CSMD1: variants seen among roughly 807,000 people sequenced by gnomAD.
CSMD1 encodes the protein CUB and Sushi multiple domains 1.
A neutral mutation model predicts 417.5 loss-of-function variants in CSMD1; 213 were observed. The ratio of observed to expected loss-of-function variants is 0.51; its 90% CI spans 0.46 to 0.57. CSMD1 has a LOEUF of 0.57. CSMD1 is among the 20% of genes least tolerant of loss of function. The pLI, the probability that CSMD1 is intolerant of heterozygous loss-of-function variation, is 0.00. For missense variants in CSMD1, 6,923 were observed against 4,529.7 expected, an observed-to-expected ratio of 1.53 and a Z score of -15.17; for synonymous variants, 2,862 against 1,736.8, an observed-to-expected ratio of 1.65 and a Z score of -16.11.
chr8:3,314,630 A>T (rs1478314083), intron 23 of CSMD1, among the ~76,000 whole-genome samples: 1 of 152,258 alleles, frequency 6.6e-6, no homozygotes, highest in Non-Finnish European at 1.5e-5. Flanking sequence ...CACAGCCAAA[A>T]TACTACGAAC....
chr8:4,240,447 T>C (rs943033520), intron 3 of CSMD1, among the ~76,000 whole-genome samples: 1 of 152,226 alleles, frequency 6.6e-6, no homozygotes, highest in Non-Finnish European at 1.5e-5. Context: ...ACTTGTGAAC[T>C]TATTTCCACA....
chr8:4,645,993 A>G (rs1199752696), intron 1 of CSMD1, among the ~76,000 whole-genome samples: 1 of 152,224 alleles, frequency 6.6e-6, no homozygotes, highest in Non-Finnish European at 1.5e-5. Flanking sequence ...AAAAACAACA[A>G]GCACTGTTTT....
At chr8:4,187,799 T>C (rs368926571) in intron 3 of CSMD1, among the ~76,000 whole-genome samples, 1 of 151,996 alleles carries the variant, frequency 6.6e-6, no homozygotes, top group East Asian at 1.9e-4. Context: ...GCAGGTATTA[T>C]TATTATTTTC....
chr8:3,665,553 A>G (rs1339843624), intron 7 of CSMD1, among the ~76,000 whole-genome samples: 2 of 152,124 alleles, frequency 1.3e-5, no homozygotes, highest in Admixed American at 6.5e-5. Context: ...TTGTCAGGAA[A>G]ATAATTAGTA....
chr8:4,181,846 T>G (rs1177711684), intron 3 of CSMD1, among the ~76,000 whole-genome samples: 1 of 152,166 alleles, frequency 6.6e-6, no homozygotes, highest in Non-Finnish European at 1.5e-5. Flanking sequence ...ACAAATAAAA[T>G]GATAAATTCT....
At chr8:3,295,168 A>G (rs530653164) in intron 25 of CSMD1, among the ~76,000 whole-genome samples, 5 of 151,886 alleles carry the variant, frequency 3.3e-5, no homozygotes, top group Non-Finnish European at 7.4e-5. Context: ...TTTGTTGCCC[A>G]GGTTGGAGTG....
intron 5 of CSMD1, among the ~76,000 whole-genome samples, chr8:3,947,087 G>T (rs967540855): frequency 6.6e-6 from 1 of 152,066 alleles, no homozygotes. Context: ...TGTAAAAGTG[G>T]ATATTATTTT....
chr8:4,381,008 T>G (rs1235594606), intron 3 of CSMD1, among the ~76,000 whole-genome samples: 1 of 152,186 alleles, frequency 6.6e-6, no homozygotes, highest in Non-Finnish European at 1.5e-5. Context: ...CTGCCAGAAC[T>G]CATTTCTCAG....
chr8:3,262,378 T>G (rs770181200), intron 26 of CSMD1, among the ~76,000 whole-genome samples: 3 of 151,330 alleles, frequency 2.0e-5, no homozygotes, highest in Non-Finnish European at 2.9e-5. Context: ...TTGGTAAATC[T>G]GAAGATGACA....
At chr8:4,462,971 T>A (rs549262890) in intron 2 of CSMD1, among the ~76,000 whole-genome samples, 9 of 152,298 alleles carry the variant, frequency 5.9e-5, no homozygotes, top group African/African-American at 2.2e-4. Context: ...ATCAAAATTT[T>A]AAACTTTGTA....
chr8:4,291,395 G>C (rs993329968), intron 3 of CSMD1, among the ~76,000 whole-genome samples: 4 of 152,038 alleles, frequency 2.6e-5, no homozygotes, highest in Admixed American at 6.6e-5. Context: ...ACCATGTAAA[G>C]TAAATCTCCA....
chr8:4,313,561 G>A (rs1798750575), intron 3 of CSMD1, among the ~76,000 whole-genome samples: 1 of 151,108 alleles, frequency 6.6e-6, no homozygotes, highest in Admixed American at 6.6e-5. Flanking sequence ...TACGTGTTAT[G>A]GGAGGGAAAG....
chr8:4,921,693 C>G (rs1239979737), intron 1 of CSMD1, among the ~76,000 whole-genome samples: 1 of 152,078 alleles, frequency 6.6e-6, no homozygotes, highest in Non-Finnish European at 1.5e-5. Context: ...TCTCTGTGTA[C>G]AGGAATGTGT....
chr8:3,806,805 T>C (rs546987640), intron 5 of CSMD1, among the ~76,000 whole-genome samples: 8 of 152,348 alleles, frequency 5.3e-5, no homozygotes, highest in East Asian at 1.9e-4. Flanking sequence ...AGGTGCAGCA[T>C]AGTTCAGAAC....
chr8:4,594,478 G>C (rs1585303688), intron 2 of CSMD1, among the ~76,000 whole-genome samples: 1 of 152,052 alleles, frequency 6.6e-6, no homozygotes, highest in Non-Finnish European at 1.5e-5. Context: ...GGGCTTAAAA[G>C]TGTGAGCCAC....
chr8:3,998,742 T>A (rs1039275969), intron 4 of CSMD1, among the ~76,000 whole-genome samples: 5 of 151,946 alleles, frequency 3.3e-5, no homozygotes, highest in African/African-American at 1.2e-4. Context: ...AAATAGAAAC[T>A]AACAATTAAA....
At chr8:3,670,230 A>G (rs771391216) in intron 7 of CSMD1, among the ~76,000 whole-genome samples, 2 of 151,962 alleles carry the variant, frequency 1.3e-5, no homozygotes, top group Non-Finnish European at 2.9e-5. Context: ...CAGAGAATAC[A>G]AAGCAGGCGG....
rs532255181 is a variant in CSMD1, at chr8:4,082,381, C to T, written c.416-50282G>A. ...AGATGGTTTCACTGGTGAGTTCTGC[C>T]GAGCATTTAAAAACAACTACAACAA... On this transcript the variant is annotated intron_variant, in intron 3 of 69. Coordinates refer to ENST00000635120, the MANE Select transcript of CSMD1 (RefSeq NM_033225.6). Among the ~76,000 whole-genome samples, 562 of 151,994 alleles carry T rather than the reference C, an allele frequency of 3.7e-3. 3 individuals carry two copies. Among genetic ancestry groups the T allele is most frequent in the South Asian group, 0.015 (72 of 4,808 alleles).
intron 1 of CSMD1, among the ~76,000 whole-genome samples, chr8:4,810,526 C>CGTGTGT (rs34993933): frequency 6.6e-6 from 1 of 151,390 alleles, no homozygotes. Flanking sequence ...GTAAAATACA[C>CGTGTGT]GTGTGTGTGT....
Sources: gnomAD v4.1 joint callset for allele counts (sites outside exome capture counted in the v4.1 genomes callset) on GRCh38, gnomAD v4.1.1 for gene constraint, MANE v1.5 for transcripts, NCBI Gene and HGNC (gene_info 2026-07-23, HGNC 2026-07-21) for gene names.